The following PTPN13 variants were observed in gnomAD, a reference collection of about 807,000 sequenced individuals.
The protein encoded by PTPN13 is tyrosine-protein phosphatase non-receptor type 13.
In PTPN13, 191 loss-of-function variants were observed where a neutral mutation model predicts 284.0. The ratio of observed to expected loss-of-function variants is 0.67; its 90% CI spans 0.60 to 0.76. PTPN13 has a LOEUF of 0.76. Ranked by LOEUF, PTPN13 falls within the 30% of genes least tolerant of loss-of-function variation. PTPN13 has a pLI of 0.00. For synonymous variants in PTPN13, 986 were observed against 1,022.3 expected (o/e 0.96, Z 0.68); for missense variants, 2,797 against 2,939.9 (o/e 0.95, Z 1.12).
At chr4:86,737,326 A>G (rs1036299594) in intron 15 of PTPN13, among the ~76,000 whole-genome samples, 16 of 152,058 alleles carry the variant, frequency 1.1e-4, no homozygotes, top group East Asian at 3.8e-4. Flanking sequence ...CAGTTCAGCA[A>G]TCACCTCCAC....
intron 10 of PTPN13, 106 bp downstream of exon 10, chr4:86,722,540 T>G: frequency 1.3e-6 from 1 of 796,654 alleles, no homozygotes; most frequent in Non-Finnish European, 2.1e-6. Flanking sequence ...AAGTTACCTG[T>G]AGATGAAACT....
rs1745573101 is a variant in PTPN13 at position 86,814,402 on chromosome 4, A to G, written c.7363-54A>G. ...CCAATAGTGGTATAGCTATATATATATAATATTTACATTATACATCTAAAG... is the reference window on the plus strand; with the variant it reads ...CCAATAGTGGTATAGCTATATATATGTAATATTTACATTATACATCTAAAG... On this transcript the variant is annotated intron_variant, in intron 47 of 47. Transcript: ENST00000411767. 4 of 1,155,246 alleles carry G rather than the reference A, an allele frequency of 3.5e-6. No homozygotes were observed. The East Asian group carries it at 7.7e-5, about 22-fold the overall frequency. 71.6% of individuals were successfully genotyped at this position (1,155,246 alleles called of 1,614,324 possible).
chr4:86,785,985 A>G, intron 40 of PTPN13, 49 bp downstream of exon 40: 1 of 1,093,044 alleles, frequency 9.1e-7, no homozygotes, highest in Non-Finnish European at 1.3e-6. Context: ...TGTTACAATT[A>G]TGGGTTTAAC....
At chr4:86,668,762 A>ATTTTTTT (rs776320959) in intron 2 of PTPN13, among the ~76,000 whole-genome samples, 1 of 112,310 alleles carries the variant, frequency 8.9e-6, no homozygotes, top group African/African-American at 3.5e-5. Context: ...CGCCCAGCTA[A>ATTTTTTT]TTTTTTTTTT....
rs527373890 is a variant in PTPN13, at chr4:86,810,003, C to G, written c.7299+19C>G. ...TCTTGATGTGAGTACAAGATATTGG[C>G]TGAGTAAGCATTTGTTCAGAAATAA... On this transcript the variant is annotated intron_variant, in intron 46 of 47. Transcript: ENST00000411767. 1 of 1,591,564 alleles carries G rather than the reference C, an allele frequency of 6.3e-7. No individual in the cohort carries two copies. Among genetic ancestry groups the G allele is most frequent in the Non-Finnish European group, 8.6e-7 (1 of 1,162,226 alleles).
intron 5 of PTPN13, among the ~76,000 whole-genome samples, chr4:86,691,173 G>A (rs1729983731): frequency 6.6e-6 from 1 of 151,736 alleles, no homozygotes; most frequent in Admixed American, 6.6e-5. Flanking sequence ...GCTGTAGTGA[G>A]GCATGATTGC....
intron 1 of PTPN13, among the ~76,000 whole-genome samples, chr4:86,604,280 TA>T (rs1764560581): frequency 6.6e-6 from 1 of 152,070 alleles, no homozygotes; most frequent in African/African-American, 2.4e-5. Flanking sequence ...AAAGGTTTTG[TA>T]AGCTTTATTC....
intron 10 of PTPN13, among the ~76,000 whole-genome samples, chr4:86,724,661 T>A (rs908746114): frequency 3.3e-4 from 50 of 152,090 alleles, no homozygotes; most frequent in Non-Finnish European, 6.6e-4. Flanking sequence ...GGTAATGGGG[T>A]TTGGAGGTAC....
chr4:86,791,553 T>C (rs1742670277), intron 40 of PTPN13, among the ~76,000 whole-genome samples: 1 of 152,238 alleles, frequency 6.6e-6, no homozygotes, highest in African/African-American at 2.4e-5. Context: ...CCTCCTCAAG[T>C]GGGTCCCTGA....
At position 86,803,775 on chromosome 4, in the gene PTPN13, A is replaced by G. The variant is rs780169021; in HGVS notation, c.6572A>G (p.Lys2191Arg). 3.1e-6 allele frequency: 5 copies of G among 1,613,818 alleles called. No individual in the cohort carries two copies. Among genetic ancestry groups the G allele is most frequent in the Admixed American group, 1.7e-5 (1 of 59,988 alleles). ...LPVVKVLPSGKYTGANLKSVI... is the reference protein window; with the variant it reads ...LPVVKVLPSGRYTGANLKSVI... ...GTCGTCAAAGTGCTTCCCTCTGGTA[A>G]ATACACGGGTGCCAACTTAAAATCA... Residue 2191 changes from lysine to arginine, a missense_variant, in exon 43 of 48, where the codon AAA becomes AGA. Lys to Arg is a conservative substitution (Grantham distance 26). Coordinates refer to ENST00000411767, the MANE Select transcript of PTPN13 (RefSeq NM_080683.3).
Position 86,650,491 on chromosome 4 carries a change from G to A in PTPN13, c.115+15120G>A, listed in dbSNP as rs191877495. ...GCTTGGCTAATTTTTATATTTGTTT[G>A]CAGAGAAGGGGTTTCACCATGTTGC... On this transcript the variant is annotated intron_variant, in intron 2 of 47. Transcript: ENST00000411767. 2.0e-4 allele frequency among the ~76,000 whole-genome samples: 30 copies of A among 152,104 alleles called. No homozygotes were observed. In the East Asian group the frequency reaches 2.7e-3, roughly 14 times the overall value.
intron 30 of PTPN13, among the ~76,000 whole-genome samples, chr4:86,770,646 G>T (rs998724590): frequency 2.0e-5 from 3 of 152,064 alleles, no homozygotes; most frequent in Admixed American, 2.0e-4. Flanking sequence ...CGTATAAGTT[G>T]GTATCAGTTT....
intron 1 of PTPN13, among the ~76,000 whole-genome samples, chr4:86,622,792 A>G (rs769990253): frequency 3.3e-5 from 5 of 152,184 alleles, no homozygotes; most frequent in Non-Finnish European, 7.3e-5. Context: ...TTAAAATACA[A>G]TCTATATGTT....
chr4:86,695,460 A>G (rs545479686), intron 6 of PTPN13, among the ~76,000 whole-genome samples: 1 of 152,132 alleles, frequency 6.6e-6, no homozygotes, highest in South Asian at 2.1e-4. Context: ...AATAGCAGCA[A>G]TTTGTTAATT....
At chr4:86,596,651 T>C (rs1763835595) in intron 1 of PTPN13, among the ~76,000 whole-genome samples, 1 of 152,190 alleles carries the variant, frequency 6.6e-6, no homozygotes, top group African/African-American at 2.4e-5. Flanking sequence ...CGGGTGTTGA[T>C]TTGTTCTGTC....
At chr4:86,798,697 C>G (rs898160160) in intron 41 of PTPN13, among the ~76,000 whole-genome samples, 2 of 152,046 alleles carry the variant, frequency 1.3e-5, no homozygotes, top group Non-Finnish European at 2.9e-5. Flanking sequence ...AAGGCTATAC[C>G]CATCAATAGA....
intron 40 of PTPN13, among the ~76,000 whole-genome samples, chr4:86,786,522 C>A (rs985096328): frequency 6.6e-6 from 1 of 152,054 alleles, no homozygotes; most frequent in Non-Finnish European, 1.5e-5. Context: ...AGGAAGCTTA[C>A]GGCTGATAAG....
At chr4:86,633,035 G>T (rs55798827) in intron 1 of PTPN13, among the ~76,000 whole-genome samples, 5,248 of 152,000 alleles carry the variant, frequency 0.035, 144 homozygotes, top group Non-Finnish European at 0.06. Context: ...TGAACTTCTG[G>T]CCTGAAGCGA....
At chr4:86,686,297 G>A (rs1729448313) in intron 3 of PTPN13, among the ~76,000 whole-genome samples, 2 of 151,996 alleles carry the variant, frequency 1.3e-5, no homozygotes, top group African/African-American at 2.4e-5. Context: ...GGAGGTTGCA[G>A]TGAGCCGAGA....
Sources: allele counts gnomAD v4.1 joint callset (sites outside exome capture counted in the v4.1 genomes callset), GRCh38; gene constraint gnomAD v4.1.1; transcripts MANE v1.5; gene names NCBI Gene and HGNC (gene_info 2026-07-23, HGNC 2026-07-21).